RIMS1: variants seen among roughly 807,000 people sequenced by gnomAD.
The protein encoded by RIMS1 is regulating synaptic membrane exocytosis 1.
A neutral mutation model predicts 214.1 loss-of-function variants in RIMS1; 83 were observed. That is an observed-to-expected ratio of 0.39 (90% CI 0.32 to 0.47). The LOEUF (loss-of-function observed/expected upper bound fraction) is 0.47, where lower values mean the gene tolerates loss of function less well. Among genes scored for constraint, RIMS1 ranks in the 20% least tolerant of loss-of-function variants. The pLI, the probability that RIMS1 is intolerant of heterozygous loss-of-function variation, is 0.99. For missense variants in RIMS1, 2,050 were observed against 2,161.8 expected (o/e 0.95, Z 1.03); for synonymous variants, 793 against 786.8 (o/e 1.01, Z -0.13).
chr6:72,395,952 T>C (rs905993205), intron 31 of RIMS1, among the ~76,000 whole-genome samples: 1 of 151,654 alleles, frequency 6.6e-6, no homozygotes, highest in Non-Finnish European at 1.5e-5. Context: ...ATAAAAATTA[T>C]ATATATAATT....
chr6:72,301,207 A>T (rs2094569784), intron 26 of RIMS1, among the ~76,000 whole-genome samples: 2 of 151,686 alleles, frequency 1.3e-5, no homozygotes, highest in South Asian at 4.1e-4. Context: ...GAAAATGGGA[A>T]ACTACTTGGA....
chr6:71,949,610 G>C (rs997810356), intron 1 of RIMS1, among the ~76,000 whole-genome samples: 1 of 152,094 alleles, frequency 6.6e-6, no homozygotes, highest in Admixed American at 6.5e-5. Flanking sequence ...AAATGAGCTA[G>C]CCATGCTGAT....
At position 72,263,243 on chromosome 6, in the gene RIMS1, C is replaced by T. The variant is rs2078861442; in HGVS notation, c.3117-1732C>T. On this transcript the variant is annotated intron_variant, in intron 19 of 33. Transcript: ENST00000521978. ...GAAATCTGTATGTTTAGTTTCTTTT[C>T]TCCCAAATTGTTTAATTTCCCAACC... The T allele has an allele frequency of 8.1e-6, 8 of 984,784 alleles. No homozygotes were observed. The South Asian group carries it at 3.3e-4, about 41-fold the overall frequency. 61.0% of individuals were successfully genotyped at this position (984,784 alleles called of 1,614,324 possible). A position where few individuals can be genotyped will look rare whatever the true frequency, so the allele number is the denominator to read the frequency against.
chr6:72,265,488 A>G lies in RIMS1; in HGVS notation c.3293A>G (p.Asp1098Gly), dbSNP rs1487875078. 5.1e-6 allele frequency: 8 copies of G among 1,562,890 alleles called. No individual in the cohort carries two copies. Among genetic ancestry groups the G allele is most frequent in the Non-Finnish European group, 7.0e-6 (8 of 1,134,882 alleles). The change falls in exon 21 of 34, where the codon GAT becomes GGT. Residue 1098 changes from aspartate (D) to glycine (G), a missense_variant. Asp to Gly is a moderately conservative substitution (Grantham distance 94). This residue lies in a region of RIMS1 where 889 missense variants were observed against 885.5 expected (regional missense o/e 1.00). Coordinates refer to ENST00000521978, the MANE Select transcript of RIMS1 (RefSeq NM_014989.7). ...CFNSTVLRFTDEILVSELQPF... is the reference protein window; with the variant it reads ...CFNSTVLRFTGEILVSELQPF... Reference sequence around the variant, plus strand: ...AACTCAACAGTATTGAGATTTACTGATGAAATACTGGTTAGGTAAGAACAT... The same window carrying G: ...AACTCAACAGTATTGAGATTTACTGGTGAAATACTGGTTAGGTAAGAACAT...
chr6:72,183,857 G>T (rs2153971972), intron 6 of RIMS1, among the ~76,000 whole-genome samples: 1 of 152,146 alleles, frequency 6.6e-6, no homozygotes, highest in Admixed American at 6.5e-5. Flanking sequence ...ATCATAAAAT[G>T]TACATGAATC....
At chr6:72,314,868 A>G (rs577126098) in intron 28 of RIMS1, among the ~76,000 whole-genome samples, 1 of 152,260 alleles carries the variant, frequency 6.6e-6, no homozygotes, top group East Asian at 1.9e-4. Context: ...AACAATTTGA[A>G]GTAATTTTTG....
chr6:72,305,337 A>G (rs904433888), intron 26 of RIMS1, among the ~76,000 whole-genome samples: 2 of 152,100 alleles, frequency 1.3e-5, no homozygotes, highest in Non-Finnish European at 2.9e-5. Context: ...GGGCTAATCA[A>G]TGTCAACATA....
At chr6:72,064,259 A>T (rs149875567) in intron 2 of RIMS1, among the ~76,000 whole-genome samples, 11,071 of 152,064 alleles carry the variant, frequency 0.073, 461 homozygotes, top group Middle Eastern at 0.11. Flanking sequence ...CGGAGGTTGC[A>T]GTGAGCTGAG....
At chr6:72,382,863 T>C (rs1033300237) in intron 29 of RIMS1, among the ~76,000 whole-genome samples, 8 of 152,364 alleles carry the variant, frequency 5.3e-5, no homozygotes, top group African/African-American at 1.7e-4. Flanking sequence ...TAAAATTTCC[T>C]GTGAAAATCT....
intron 27 of RIMS1, among the ~76,000 whole-genome samples, chr6:72,310,855 GTGA>G (rs2095475786): frequency 6.6e-6 from 1 of 151,980 alleles, no homozygotes; most frequent in Non-Finnish European, 1.5e-5. Context: ...GAATAAAACT[GTGA>G]TATCATATCA....
At chr6:72,399,529 G>C (rs1159721470) in intron 33 of RIMS1, among the ~76,000 whole-genome samples, 4 of 152,132 alleles carry the variant, frequency 2.6e-5, no homozygotes, top group Admixed American at 6.6e-5. Flanking sequence ...GGTACAAAGA[G>C]GAAGAGGGAG....
chr6:72,009,563 T>C (rs1307113626), intron 2 of RIMS1, among the ~76,000 whole-genome samples: 1 of 151,790 alleles, frequency 6.6e-6, no homozygotes, highest in African/African-American at 2.4e-5. Context: ...ATCAACAAAA[T>C]TGATAGACCG....
At chr6:71,984,773 ATATCTATCTATCTATCTATCTATCTATC>A (rs70994108) in intron 2 of RIMS1, among the ~76,000 whole-genome samples, 1 of 146,642 alleles carries the variant, frequency 6.8e-6, no homozygotes, top group Non-Finnish European at 1.5e-5. Flanking sequence ...ATGTATGTAC[ATATCTATCTATCTATCTATCTATCTATC>A]TATCTATCTA....
chr6:72,122,477 A>G (rs1471853020), intron 4 of RIMS1, among the ~76,000 whole-genome samples: 1 of 151,636 alleles, frequency 6.6e-6, no homozygotes, highest in African/African-American at 2.4e-5. Flanking sequence ...AAGTGCTGGG[A>G]TTACAGGCAT....
chr6:72,310,139 A>G (rs910586595), intron 27 of RIMS1, among the ~76,000 whole-genome samples: 34 of 152,112 alleles, frequency 2.2e-4, no homozygotes, highest in Admixed American at 1.1e-3. Flanking sequence ...GAAGCAATGA[A>G]CATTAGTTGA....
At chr6:71,925,338 G>C (rs961339643) in intron 1 of RIMS1, among the ~76,000 whole-genome samples, 3 of 152,148 alleles carry the variant, frequency 2.0e-5, no homozygotes, top group African/African-American at 7.2e-5. Flanking sequence ...TTTATTATTT[G>C]TAAAATGATG....
At chr6:72,298,869 T>C (rs928568804) in intron 26 of RIMS1, among the ~76,000 whole-genome samples, 3 of 151,958 alleles carry the variant, frequency 2.0e-5, no homozygotes, top group African/African-American at 7.2e-5. Context: ...GGCTTGAAAG[T>C]TAACAAAGCT....
At chr6:72,194,484 A>G (rs1165116896) in intron 6 of RIMS1, among the ~76,000 whole-genome samples, 1 of 152,096 alleles carries the variant, frequency 6.6e-6, no homozygotes, top group Non-Finnish European at 1.5e-5. Flanking sequence ...CTATGTATTT[A>G]CTGAGGTTAA....
At chr6:72,168,725 T>G (rs1029456161) in intron 4 of RIMS1, among the ~76,000 whole-genome samples, 1 of 76,906 alleles carries the variant, frequency 1.3e-5, no homozygotes, top group African/African-American at 3.3e-5. Context: ...TTCAGGGTTT[T>G]TTTTTTTTTT....
Sources: gnomAD v4.1 joint callset for allele counts (sites outside exome capture counted in the v4.1 genomes callset) on GRCh38, gnomAD v4.1.1 for gene constraint, gnomAD v4.1.1 regional missense constraint, MANE v1.5 for transcripts, NCBI Gene and HGNC (gene_info 2026-07-23, HGNC 2026-07-21) for gene names.